The following PLOD1 variants were observed in gnomAD, a reference collection of about 807,000 sequenced individuals.
The protein encoded by PLOD1 is procollagen-lysine,2-oxoglutarate 5-dioxygenase 1, also known as lysine hydroxylase.
In PLOD1, 70 loss-of-function variants were observed where a neutral mutation model predicts 94.7. The ratio of observed to expected loss-of-function variants is 0.74; its 90% confidence interval spans 0.61 to 0.90. The LOEUF is 0.90. Among genes scored for constraint, PLOD1 ranks in the 40% least tolerant of loss-of-function variants. The pLI is 0.00. For synonymous variants in PLOD1, 417 were observed against 400.2 expected, an observed-to-expected ratio of 1.04 and a Z score of -0.50; for missense variants, 905 against 972.7, an observed-to-expected ratio of 0.93 and a Z score of 0.93.
At chr1:11,964,492 A>G in intron 12 of PLOD1, 152 bp from the exon 13 acceptor site, 1 of 911,332 alleles carries the variant, frequency 1.1e-6, no homozygotes, top group Non-Finnish European at 1.8e-6. Context: ...AGGGCGGGGG[A>G]ATCAAATCAG....
chr1:11,974,609 A>G, intron 18 of PLOD1, 44 bp from the exon 19 acceptor site: 1 of 1,581,110 alleles, frequency 6.3e-7, no homozygotes, highest in Non-Finnish European at 8.7e-7. Context: ...ACAGACGGGC[A>G]GGGGGGCGGT....
chr1:11,955,745 TC>T (rs1179363091), intron 6 of PLOD1, among the ~76,000 whole-genome samples: 1 of 152,052 alleles, frequency 6.6e-6, no homozygotes, highest in Non-Finnish European at 1.5e-5. Flanking sequence ...TGCCTCAGCC[TC>T]CCAAGTAGCT....
intron 4 of PLOD1, 42 bp from the exon 5 acceptor site, chr1:11,952,581 A>C: frequency 1.4e-6 from 2 of 1,431,648 alleles, no homozygotes; most frequent in Non-Finnish European, 2.0e-6. Context: ...AGAGGCTGGA[A>C]GCTAAGGGTC....
At position 11,963,384 on chromosome 1, in the gene PLOD1, A is replaced by G; in HGVS notation, c.1098-148A>G. 1 of 676,010 alleles carries G rather than the reference A, an allele frequency of 1.5e-6. No individual in the cohort carries two copies. The highest frequency in any genetic ancestry group is 2.7e-6 in the Non-Finnish European group (1 of 368,396). 41.9% of individuals were successfully genotyped at this position (676,010 alleles called of 1,614,324 possible). A position where few individuals can be genotyped will look rare whatever the true frequency, so the allele number is the denominator to read the frequency against. Reference sequence around the variant, plus strand: ...AGCAGTCCAGGGGTTTGGGACTCAGAGTCGGGAGGAACCTTTGAGGCTGCT... The same window carrying G: ...AGCAGTCCAGGGGTTTGGGACTCAGGGTCGGGAGGAACCTTTGAGGCTGCT... On this transcript the variant is annotated intron_variant, in intron 10 of 18. Coordinates refer to ENST00000196061, the MANE Select transcript of PLOD1 (RefSeq NM_000302.4). This position sits in a 1 kb window ranked among gnomAD's most constrained non-coding sequence, Gnocchi z 4.3.
Position 11,963,480 on chromosome 1 carries a change from C to T in PLOD1, c.1098-52C>T. 1.7e-6 allele frequency: 2 copies of T among 1,207,704 alleles called. No homozygotes were observed. The highest frequency in any genetic ancestry group is 2.4e-6 in the Non-Finnish European group (2 of 830,676). The allele number at this position is 1,207,704 out of a possible 1,614,324, so 74.8% of individuals were successfully genotyped here. A position where few individuals can be genotyped will look rare whatever the true frequency, so the allele number is the denominator to read the frequency against. On this transcript the variant is annotated intron_variant, in intron 10 of 18. Coordinates refer to ENST00000196061, the MANE Select transcript of PLOD1 (RefSeq NM_000302.4). This position sits in a 1 kb window ranked among gnomAD's most constrained non-coding sequence, Gnocchi z 4.3. Reference sequence around the variant, plus strand: ...GACTGTGGTCACAGATGTGAGCAGCCACCAGTAGCTCCAGGATCAGGTGCA... The same window carrying T: ...GACTGTGGTCACAGATGTGAGCAGCTACCAGTAGCTCCAGGATCAGGTGCA...
At chr1:11,943,111 G>A (rs1037769459) in intron 1 of PLOD1, among the ~76,000 whole-genome samples, 5 of 152,010 alleles carry the variant, frequency 3.3e-5, no homozygotes, top group Admixed American at 2.0e-4. Flanking sequence ...TCCACCTCCC[G>A]AGTAGCTGGG....
chr1:11,951,575 AT>A (rs941761801), intron 4 of PLOD1, among the ~76,000 whole-genome samples: 30 of 146,236 alleles, frequency 2.1e-4, no homozygotes, highest in East Asian at 2.0e-3. Flanking sequence ...ATAATACTAT[AT>A]TTTTTTATAA....
At chr1:11,960,300 G>T (rs72641009) in intron 9 of PLOD1, among the ~76,000 whole-genome samples, 17,705 of 152,194 alleles carry the variant, frequency 0.12, 1,237 homozygotes, top group East Asian at 0.27. Context: ...CGAAGTTGAG[G>T]ATCACCTGGC....
chr1:11,970,802 G>A lies in PLOD1; in HGVS notation c.1888G>A (p.Gly630Ser), dbSNP rs764750668. The A allele has an allele frequency of 3.7e-6, 6 of 1,608,124 alleles. No individual in the cohort carries two copies. Among genetic ancestry groups the A allele is most frequent in the South Asian group, 2.2e-5 (2 of 90,714 alleles). The part of the protein sequence containing the change: ...IAPMTEKLYP[G>S]YYTRAQFDLA... Reference sequence around the variant, plus strand: ...GCCCATGACGGAGAAGCTCTACCCCGGCTACTACACCAGGGTGGGCAAGCC... The same window carrying A: ...GCCCATGACGGAGAAGCTCTACCCCAGCTACTACACCAGGGTGGGCAAGCC... The change falls in exon 17 of 19, where the codon GGC becomes AGC. Residue 630 changes from glycine to serine, a missense_variant. Coordinates refer to ENST00000196061, the MANE Select transcript of PLOD1 (RefSeq NM_000302.4).
Position 11,972,982 on chromosome 1 carries a change from CG to C in PLOD1, c.2017del (p.Val673TrpfsTer141). The C allele has an allele frequency of 6.2e-7, 1 of 1,613,902 alleles. No individual in the cohort carries two copies. The highest frequency in any genetic ancestry group is 8.5e-7 in the Non-Finnish European group (1 of 1,179,962). ...CCATCAACATCGCCCTGAACCGAGT[CG>C]GGGTGGATTACGAGGTGAGCAGGAG... ...FTINIALNRV[G>X]VDYEGGGCRF... On this transcript the variant is annotated frameshift_variant, in exon 18 of 19. Coordinates refer to ENST00000196061, the MANE Select transcript of PLOD1 (RefSeq NM_000302.4). LOFTEE classifies it high-confidence loss of function. The surrounding 1 kb of genome is among the most constrained non-coding windows in gnomAD (Gnocchi z 4.6).
chr1:11,949,547 G>A (rs1163971546), intron 2 of PLOD1, among the ~76,000 whole-genome samples: 2 of 152,094 alleles, frequency 1.3e-5, no homozygotes, highest in Admixed American at 1.3e-4. Flanking sequence ...AGCCTCCCGA[G>A]TAGCTGGAAT....
In PLOD1 at chr1:11,950,705, A is replaced by C. The variant is rs191140029; in HGVS notation, c.466+185A>C. Among the ~76,000 whole-genome samples, 293 of 152,228 alleles carry C rather than the reference A, an allele frequency of 1.9e-3. 1 individual carries two copies. The highest frequency in any genetic ancestry group is 3.7e-3 in the Non-Finnish European group (250 of 68,004). ...CCCTGCAGTTCTGATCTCATTCAAC[A>C]GACACGCAGCCCCATAGACAGAACC... is the stretch of plus-strand genomic sequence containing the variant. On this transcript the variant is annotated intron_variant, in intron 4 of 18. Coordinates refer to ENST00000196061, the MANE Select transcript of PLOD1 (RefSeq NM_000302.4).
At chr1:11,950,576 T>C (rs1383068415) in intron 4 of PLOD1, 56 bp downstream of exon 4, 5 of 1,543,214 alleles carry the variant, frequency 3.2e-6, no homozygotes, top group African/African-American at 1.4e-5. Context: ...TCTACTGCCT[T>C]TGTGGGGACC....
chr1:11,956,740 C>T (rs1006951451), intron 6 of PLOD1, among the ~76,000 whole-genome samples, 177 bp from the exon 7 acceptor site: 1 of 152,120 alleles, frequency 6.6e-6, no homozygotes, highest in African/African-American at 2.4e-5. Flanking sequence ...CCCCCTCACC[C>T]CATGAAGAAG....
chr1:11,954,310 CAAAAAAAAAAAA>C (rs754503001), intron 5 of PLOD1: 8 of 161,618 alleles, frequency 4.9e-5, no homozygotes, highest in East Asian at 1.6e-4. Context: ...CCATCTCTAG[CAAAAAAAAAAAA>C]AAAAAAAAAA....
At chr1:11,960,839 A>G in intron 10 of PLOD1, 72 bp downstream of exon 10, 1 of 1,600,094 alleles carries the variant, frequency 6.2e-7, no homozygotes. Flanking sequence ...AAGGAGCAGC[A>G]GGCTGAGTGA....
chr1:11,957,305 G>A lies in PLOD1; in HGVS notation c.741+291G>A. 3 of 625,942 alleles carry A rather than the reference G, an allele frequency of 4.8e-6. No individual in the cohort carries two copies. The highest frequency in any genetic ancestry group is 4.3e-5 in the South Asian group (3 of 69,482). 38.8% of individuals were successfully genotyped at this position (625,942 alleles called of 1,614,324 possible). On this transcript the variant is annotated intron_variant, in intron 7 of 18. Coordinates refer to ENST00000196061, the MANE Select transcript of PLOD1 (RefSeq NM_000302.4). The surrounding 1 kb of genome is among the most constrained non-coding windows in gnomAD (Gnocchi z 4.1). ...CCATCTGCACTGTCACCCCAGGGCA[G>A]AGTCACTTATTCACTCAGTAAACCT...
chr1:11,966,847 C>G, intron 15 of PLOD1, 140 bp from the exon 16 acceptor site: 1 of 699,600 alleles, frequency 1.4e-6, no homozygotes, highest in Non-Finnish European at 2.6e-6. Context: ...CCTCCCCACT[C>G]AGTCTCTCCA....
intron 1 of PLOD1, among the ~76,000 whole-genome samples, chr1:11,944,164 T>C (rs1039603372): frequency 8.6e-5 from 13 of 151,228 alleles, no homozygotes; most frequent in Non-Finnish European, 1.8e-4. Context: ...ACCCAGGAGA[T>C]AGAGGTTGTA....
Sources: gnomAD v4.1 joint callset for allele counts (sites outside exome capture counted in the v4.1 genomes callset) on GRCh38, gnomAD v4.1.1 for gene constraint, Gnocchi (gnomAD v3.1) non-coding constraint, MANE v1.5 for transcripts, NCBI Gene and HGNC (gene_info 2026-07-23, HGNC 2026-07-21) for gene names.